The following THADA variants were observed in gnomAD, a reference collection of about 807,000 sequenced individuals.
THADA encodes the protein tRNA (32-2'-O)-methyltransferase regulator THADA.
Under a neutral mutation model 219.8 loss-of-function variants are expected in THADA, and 213 were observed. That is an observed-to-expected ratio of 0.97 (90% CI 0.87 to 1.09). The LOEUF is 1.09. Among genes scored for constraint, THADA ranks in the 50% least tolerant of loss-of-function variants. The probability of loss-of-function intolerance (pLI) is 0.00; values close to 1 mark genes in which losing one functional copy is unlikely to be tolerated. For synonymous variants in THADA, 1,018 were observed against 828.9 expected (o/e 1.23, Z -3.92); for missense variants, 2,956 against 2,311.3 (o/e 1.28, Z -5.72).
At chr2:43,280,196 C>G (rs1358750614) in intron 35 of THADA, among the ~76,000 whole-genome samples, 1 of 152,212 alleles carries the variant, frequency 6.6e-6, no homozygotes, top group African/African-American at 2.4e-5. Flanking sequence ...CTGCCCTGCT[C>G]TCCTAGTTGA....
At chr2:43,353,460 G>T (rs1668518072) in intron 29 of THADA, among the ~76,000 whole-genome samples, 1 of 152,080 alleles carries the variant, frequency 6.6e-6, no homozygotes, top group Non-Finnish European at 1.5e-5. Context: ...TTATATACCT[G>T]TTGGACATTT....
chr2:43,365,234 T>C lies in THADA; in HGVS notation c.4228-20997A>G, dbSNP rs927410117. On this transcript the variant is annotated intron_variant, in intron 29 of 37. Coordinates refer to ENST00000405975, the MANE Select transcript of THADA (RefSeq NM_022065.5). The stretch of plus-strand genomic sequence containing the variant: ...GCCACTGCGCCTGGCCTCATCTGTG[T>C]TTTTAAAAGATCCTTCTCCCTATAT... Among the ~76,000 whole-genome samples the C allele has an allele frequency of 1.2e-4, 18 of 152,044 alleles. 1 individual carries two copies. The highest frequency in any genetic ancestry group is 2.5e-4 in the Non-Finnish European group (17 of 68,002).
chr2:43,501,989 A>T (rs1558865758), intron 24 of THADA, among the ~76,000 whole-genome samples: 1 of 152,148 alleles, frequency 6.6e-6, no homozygotes, highest in African/African-American at 2.4e-5. Flanking sequence ...CTCCAAAGAT[A>T]GATTAATAGA....
chr2:43,406,352 T>C (rs933356882), intron 28 of THADA, among the ~76,000 whole-genome samples: 3 of 152,244 alleles, frequency 2.0e-5, no homozygotes, highest in African/African-American at 7.2e-5. Flanking sequence ...AATGAAAAGA[T>C]GCATAATTTC....
chr2:43,430,653 G>C (rs1355866993), intron 26 of THADA: 1 of 458,564 alleles, frequency 2.2e-6, no homozygotes, highest in Admixed American at 2.3e-5. Flanking sequence ...GACTGAGACT[G>C]ACTCAGCTTC....
At chr2:43,358,185 T>C (rs951694064) in intron 29 of THADA, among the ~76,000 whole-genome samples, 4 of 152,224 alleles carry the variant, frequency 2.6e-5, no homozygotes, top group Non-Finnish European at 4.4e-5. Flanking sequence ...AGGACTGTCC[T>C]ATCACCACAA....
intron 36 of THADA, among the ~76,000 whole-genome samples, chr2:43,278,982 G>GC (rs1673037244): frequency 6.6e-6 from 1 of 152,138 alleles, no homozygotes; most frequent in Admixed American, 6.5e-5. Context: ...CTGGCACCCA[G>GC]CCCCAAGCAC....
At chr2:43,234,335 G>A (rs1572704569) in intron 36 of THADA, among the ~76,000 whole-genome samples, 1 of 152,316 alleles carries the variant, frequency 6.6e-6, no homozygotes, top group South Asian at 2.1e-4. Flanking sequence ...GCAGCACCTA[G>A]TTGCATGTAA....
At position 43,560,282 on chromosome 2, in the gene THADA, T is replaced by C; in HGVS notation, c.2415A>G (p.Leu805=). 6.2e-7 allele frequency: 1 copy of C among 1,612,546 alleles called. No individual in the cohort carries two copies. The highest frequency in any genetic ancestry group is 8.5e-7 in the Non-Finnish European group (1 of 1,179,298). ...FTSTFEDVKI[L]AFDLLMKLSK... The stretch of plus-strand genomic sequence containing the variant: ...ATAACTTCATCAGAAGATCAAATGC[T>C]AAAATTTTCACGTCTTCAAAAGTGC... The change falls in exon 16 of 38, where the codon TTA becomes TTG. Residue 805 remains leucine (L), a synonymous_variant. Transcript: ENST00000405975.
chr2:43,447,073 G>C (rs538774012), intron 26 of THADA, among the ~76,000 whole-genome samples: 2 of 152,220 alleles, frequency 1.3e-5, no homozygotes, highest in East Asian at 1.9e-4. Context: ...TGCATGGCTG[G>C]GGAGGCCTCA....
At chr2:43,333,338 T>C (rs540251089) in intron 30 of THADA, 1 of 152,210 alleles carries the variant, frequency 6.6e-6, no homozygotes, top group South Asian at 2.1e-4. Flanking sequence ...ATCATTCAAA[T>C]CTGCATGAGG....
intron 16 of THADA, 38 bp from the exon 17 acceptor site, chr2:43,556,593 A>G (rs1697381877): frequency 6.4e-7 from 1 of 1,573,790 alleles, no homozygotes; most frequent in South Asian, 1.1e-5. Context: ...GTCAAATTAA[A>G]GATCTCTTTA....
At chr2:43,484,444 A>G (rs1686636923) in intron 26 of THADA, 1 of 169,212 alleles carries the variant, frequency 5.9e-6, no homozygotes, top group Non-Finnish European at 1.5e-5. Flanking sequence ...CCACTGGGCC[A>G]AACTGGATCC....
At chr2:43,390,883 G>A (rs971157128) in intron 29 of THADA, among the ~76,000 whole-genome samples, 10 of 152,122 alleles carry the variant, frequency 6.6e-5, no homozygotes, top group African/African-American at 1.4e-4. Context: ...CCCACAACCC[G>A]AAGGCCCCAG....
At chr2:43,318,772 G>A (rs1032271600) in intron 31 of THADA, among the ~76,000 whole-genome samples, 4 of 152,176 alleles carry the variant, frequency 2.6e-5, no homozygotes, top group African/African-American at 9.7e-5. Context: ...TTTAATTAGG[G>A]TATAAACTCT....
chr2:43,565,701 G>A (rs139971225), intron 15 of THADA: 1 of 152,240 alleles, frequency 6.6e-6, no homozygotes, highest in East Asian at 1.9e-4. Context: ...GAGCAGCTGA[G>A]CAGGATATTT....
chr2:43,460,285 AATGAG>A, intron 26 of THADA, among the ~76,000 whole-genome samples: 1 of 151,788 alleles, frequency 6.6e-6, no homozygotes, highest in Admixed American at 6.6e-5. Flanking sequence ...AGAAAGCTGA[AATGAG>A]ATCTGAGGAA....
chr2:43,517,841 C>T (rs531924679), intron 22 of THADA, among the ~76,000 whole-genome samples: 1 of 152,284 alleles, frequency 6.6e-6, no homozygotes, highest in East Asian at 1.9e-4. Context: ...AATCCAAACT[C>T]ATCCTGGCTC....
intron 36 of THADA, among the ~76,000 whole-genome samples, chr2:43,247,546 T>C (rs557655010): frequency 2.4e-4 from 36 of 151,632 alleles, no homozygotes; most frequent in African/African-American, 8.5e-4. Context: ...GTTGCCAACA[T>C]GGTGAAGCCC....
Sources: allele counts gnomAD v4.1 joint callset (sites outside exome capture counted in the v4.1 genomes callset), GRCh38; gene constraint gnomAD v4.1.1; transcripts MANE v1.5; gene names NCBI Gene and HGNC (gene_info 2026-07-23, HGNC 2026-07-21).